ASPH: variants seen among roughly 807,000 people sequenced by gnomAD.
ASPH encodes aspartate beta-hydroxylase, also known as aspartyl/asparaginyl beta-hydroxylase.
ASPH carries 100 observed loss-of-function variants against 118.4 expected under a neutral mutation model. That is an observed-to-expected ratio of 0.84 (90% CI 0.72 to 1.00). The LOEUF (loss-of-function observed/expected upper bound fraction) is 1.00, where lower values mean the gene tolerates loss of function less well. Ranked by LOEUF, ASPH falls within the 50% of genes least tolerant of loss-of-function variation. The probability of loss-of-function intolerance (pLI) is 0.00; values close to 1 mark genes in which losing one functional copy is unlikely to be tolerated. For synonymous variants in ASPH, 315 were observed against 325.6 expected (o/e 0.97, Z 0.35); for missense variants, 920 against 919.5 (o/e 1.00, Z -0.01).
chr8:61,644,870 C>T (rs934423573), intron 6 of ASPH, among the ~76,000 whole-genome samples: 1 of 152,168 alleles, frequency 6.6e-6, no homozygotes, highest in African/African-American at 2.4e-5. Flanking sequence ...ACCACCACCC[C>T]CTGGACTAAA....
At chr8:61,610,173 G>A (rs1443648797) in intron 14 of ASPH, among the ~76,000 whole-genome samples, 1 of 152,122 alleles carries the variant, frequency 6.6e-6, no homozygotes, top group African/African-American at 2.4e-5. Context: ...AAAATGTGGA[G>A]TGCTCCATGG....
At chr8:61,660,194 T>G (rs1412596536) in intron 3 of ASPH, 1 of 152,178 alleles carries the variant, frequency 6.6e-6, no homozygotes, top group Non-Finnish European at 1.5e-5. Flanking sequence ...GTTTCCATCT[T>G]TATGCCCATG....
intron 24 of ASPH, 116 bp from the exon 25 acceptor site, chr8:61,503,625 A>C: frequency 1.1e-6 from 1 of 952,208 alleles, no homozygotes; most frequent in Non-Finnish European, 1.5e-6. Context: ...GGACATAACC[A>C]AATAACTAGA....
At chr8:61,579,241 G>T in intron 15 of ASPH, 10 of 1,613,980 alleles carry the variant, frequency 6.2e-6, no homozygotes, top group Non-Finnish European at 8.5e-6. Flanking sequence ...GCCGAGCAGC[G>T]TGGAGAGCTG....
At chr8:61,516,747 C>A (rs373631184) in intron 24 of ASPH, among the ~76,000 whole-genome samples, 2 of 152,112 alleles carry the variant, frequency 1.3e-5, no homozygotes, top group Non-Finnish European at 2.9e-5. Flanking sequence ...AAAAGACGGG[C>A]ATTCTAGGGA....
intron 13 of ASPH, among the ~76,000 whole-genome samples, chr8:61,627,827 G>A (rs1028366111): frequency 2.6e-5 from 4 of 152,100 alleles, no homozygotes; most frequent in Non-Finnish European, 4.4e-5. Flanking sequence ...AACCAGGACC[G>A]TCATCTCTTC....
At chr8:61,706,230 C>G (rs1291818643) in intron 1 of ASPH, among the ~76,000 whole-genome samples, 1 of 151,122 alleles carries the variant, frequency 6.6e-6, no homozygotes, top group African/African-American at 2.4e-5. Flanking sequence ...TGAGAGCAGA[C>G]AGGCCAACAC....
intron 13 of ASPH, chr8:61,633,356 C>A: frequency 5.3e-6 from 1 of 189,666 alleles, no homozygotes; most frequent in Non-Finnish European, 1.1e-5. Flanking sequence ...AATTCTGATT[C>A]CATATTCTCC....
At chr8:61,503,639 T>C in intron 24 of ASPH, 130 bp from the exon 25 acceptor site, 1 of 838,124 alleles carries the variant, frequency 1.2e-6, no homozygotes, top group Non-Finnish European at 1.7e-6. Context: ...AACTAGAACA[T>C]CAAGCCCAAG....
At chr8:61,676,417 A>AG (rs1825414132) in intron 3 of ASPH, 1 of 1,091,520 alleles carries the variant, frequency 9.2e-7, no homozygotes, top group Non-Finnish European at 1.3e-6. Context: ...AGGTGCATCA[A>AG]GGTCAGAGAG....
chr8:61,687,798 T>C (rs958639279), intron 1 of ASPH: 3 of 152,226 alleles, frequency 2.0e-5, no homozygotes, highest in Non-Finnish European at 4.4e-5. Flanking sequence ...AAAAGCTAAA[T>C]GTTTCTTAAC....
chr8:61,652,057 C>T (rs759446784), intron 4 of ASPH, among the ~76,000 whole-genome samples: 1 of 152,190 alleles, frequency 6.6e-6, no homozygotes, highest in Non-Finnish European at 1.5e-5. Context: ...ATCTACTATG[C>T]TAATCACACT....
chr8:61,689,674 T>C (rs1226425647), intron 1 of ASPH: 4 of 1,590,652 alleles, frequency 2.5e-6, no homozygotes, highest in Non-Finnish European at 3.4e-6. Context: ...AAAATATACC[T>C]TTATCTTCAG....
At position 61,637,998 on chromosome 8, in the gene ASPH, T is replaced by A. The variant is rs1858635441; in HGVS notation, c.838A>T (p.Thr280Ser). Residue 280 changes from threonine to serine, a missense_variant, in exon 12 of 25, where the codon ACT becomes TCT. By Grantham distance (58) the Thr-to-Ser change is moderately conservative. Coordinates refer to ENST00000379454, the MANE Select transcript of ASPH (RefSeq NM_004318.4). Reference sequence around the variant, plus strand: ...ACAGGATTATCCTCAGGGGGAGCAGTTACTTCTAAAATAAAGAATAAAATC... The same window carrying A: ...ACAGGATTATCCTCAGGGGGAGCAGATACTTCTAAAATAAAGAATAAAATC... Reference protein sequence around the residue: ...ENEGIEITEVTAPPEDNPVED... With the variant: ...ENEGIEITEVSAPPEDNPVED... 2 of 1,607,490 alleles carry A rather than the reference T, an allele frequency of 1.2e-6. No homozygotes were observed. Among genetic ancestry groups the A allele is most frequent in the African/African-American group, 2.7e-5 (2 of 74,560 alleles).
intron 24 of ASPH, among the ~76,000 whole-genome samples, chr8:61,507,071 T>A (rs186677751): frequency 5.9e-5 from 9 of 152,286 alleles, no homozygotes; most frequent in African/African-American, 2.2e-4. Context: ...ATGATACGTA[T>A]AACAAAGCCA....
At chr8:61,664,865 G>C in intron 3 of ASPH, 1 of 994,302 alleles carries the variant, frequency 1.0e-6, no homozygotes, top group Non-Finnish European at 1.2e-6. Context: ...CCATCTCCCT[G>C]AGTATTTAGC....
intron 1 of ASPH, among the ~76,000 whole-genome samples, chr8:61,710,062 A>G (rs555222627): frequency 6.6e-6 from 1 of 152,372 alleles, no homozygotes; most frequent in East Asian, 1.9e-4. Context: ...TATAGTCTCC[A>G]AAGTTTTGCA....
At chr8:61,588,953 C>A (rs1454102721) in intron 14 of ASPH, among the ~76,000 whole-genome samples, 1 of 152,162 alleles carries the variant, frequency 6.6e-6, no homozygotes, top group East Asian at 1.9e-4. Flanking sequence ...CCAGTACCTG[C>A]AACAATATGG....
intron 3 of ASPH, among the ~76,000 whole-genome samples, chr8:61,676,557 A>G (rs1254114716): frequency 6.6e-6 from 1 of 152,148 alleles, no homozygotes; most frequent in East Asian, 1.9e-4. Context: ...GCCCCTACCC[A>G]GGTTTACCTT....
Sources: gnomAD v4.1 joint callset for allele counts (sites outside exome capture counted in the v4.1 genomes callset) on GRCh38, gnomAD v4.1.1 for gene constraint, MANE v1.5 for transcripts, NCBI Gene and HGNC (gene_info 2026-07-23, HGNC 2026-07-21) for gene names.